Variants in ARHGAP28 observed in about 807,000 individuals in gnomAD.
The protein encoded by ARHGAP28 is Rho GTPase activating protein 28.
Under a neutral mutation model 90.7 loss-of-function variants are expected in ARHGAP28, and 56 were observed. That is an observed-to-expected ratio of 0.62 (90% CI 0.50 to 0.77). The LOEUF is 0.77. Among genes scored for constraint, ARHGAP28 ranks in the 30% least tolerant of loss-of-function variants. ARHGAP28 has a pLI of 0.00. For synonymous variants in ARHGAP28, 308 were observed against 323.3 expected (o/e 0.95, Z 0.51); for missense variants, 869 against 900.9 (o/e 0.96, Z 0.45).
intron 16 of ARHGAP28, chr18:6,897,951 G>C (rs923422442): frequency 5.9e-5 from 9 of 152,210 alleles, no homozygotes; most frequent in Admixed American, 3.9e-4. Flanking sequence ...AAGATAGGTA[G>C]GTTGTATCAA....
In ARHGAP28 at chr18:6,729,819, A is replaced by G; in HGVS notation, c.-3A>G. On this transcript the variant is annotated 5_prime_UTR_variant, in exon 1 of 18. The change abolishes the stop of an existing upstream ORF in the 5' untranslated region. Transcript: ENST00000383472. Reference sequence around the variant, plus strand: ...GCCGGCGCCGAGACATGCGCGGCTGACGATGGAGGTGGAGGACTCGGGCGG... The same window carrying G: ...GCCGGCGCCGAGACATGCGCGGCTGGCGATGGAGGTGGAGGACTCGGGCGG... 3 of 1,409,222 alleles carry G rather than the reference A, an allele frequency of 2.1e-6. No individual in the cohort carries two copies. The highest frequency in any genetic ancestry group is 1.8e-6 in the Non-Finnish European group (2 of 1,084,598). 87.3% of individuals were successfully genotyped at this position (1,409,222 alleles called of 1,614,324 possible).
chr18:6,883,483 C>T (rs1433162653), intron 11 of ARHGAP28, among the ~76,000 whole-genome samples: 1 of 152,118 alleles, frequency 6.6e-6, no homozygotes, highest in African/African-American at 2.4e-5. Context: ...AAGTGATCTC[C>T]CTGCCTCACC....
chr18:6,883,160 G>A (rs1287171166), intron 11 of ARHGAP28, among the ~76,000 whole-genome samples: 9 of 151,986 alleles, frequency 5.9e-5, no homozygotes, highest in South Asian at 2.1e-4. Flanking sequence ...TTGGTTCTCC[G>A]TAATGGTTGC....
chr18:6,799,655 G>A lies in ARHGAP28; in HGVS notation c.123-25107G>A, dbSNP rs762647455. Among the ~76,000 whole-genome samples the A allele has an allele frequency of 3.3e-5, 5 of 152,172 alleles. No homozygotes were observed. In the East Asian group the frequency reaches 7.7e-4, roughly 23 times the overall value. ...GAAAGGATTCCCTGTTTAATAAATG[G>A]TGTTGGGAAAACTAGCCAGCCATAT... On this transcript the variant is annotated intron_variant, in intron 1 of 17. Coordinates refer to ENST00000383472, the MANE Select transcript of ARHGAP28 (RefSeq NM_001366230.1).
intron 4 of ARHGAP28, among the ~76,000 whole-genome samples, chr18:6,852,526 A>G (rs541796851): frequency 6.6e-6 from 1 of 152,368 alleles, no homozygotes; most frequent in East Asian, 1.9e-4. Flanking sequence ...AAGAAAATCT[A>G]AGGAACTTAA....
At chr18:6,909,058 T>G in intron 17 of ARHGAP28, 34 bp downstream of exon 17, 1 of 1,150,208 alleles carries the variant, frequency 8.7e-7, no homozygotes, top group Non-Finnish European at 1.3e-6. Context: ...ACTGCTAAAT[T>G]CTCTGATTAC....
chr18:6,768,513 T>G lies in ARHGAP28; in HGVS notation c.122+38570T>G, dbSNP rs62082791. On this transcript the variant is annotated intron_variant, in intron 1 of 17. Coordinates refer to ENST00000383472, the MANE Select transcript of ARHGAP28 (RefSeq NM_001366230.1). ...TCTCAACAAAGACTTTCTATTCTGA[T>G]TGGTCCAAAGTCAAATGCCTCCCAG... is the stretch of plus-strand genomic sequence containing the variant. Among the ~76,000 whole-genome samples, 1,285 of 152,220 alleles carry G rather than the reference T, an allele frequency of 8.4e-3. 4 individuals are homozygous for G. The highest frequency in any genetic ancestry group is 0.013 in the Non-Finnish European group (878 of 68,008).
At chr18:6,893,799 A>G (rs1427285334) in intron 14 of ARHGAP28, among the ~76,000 whole-genome samples, 1 of 152,210 alleles carries the variant, frequency 6.6e-6, no homozygotes, top group East Asian at 1.9e-4. Flanking sequence ...TATAAATACC[A>G]TAAAAGCAAA....
At chr18:6,834,550 T>A (rs1233636394) in intron 2 of ARHGAP28, 1 of 152,208 alleles carries the variant, frequency 6.6e-6, no homozygotes, top group Non-Finnish European at 1.5e-5. Flanking sequence ...GTAAGCCGTT[T>A]CACACTGTAG....
At chr18:6,771,161 T>G (rs939708671) in intron 1 of ARHGAP28, among the ~76,000 whole-genome samples, 1 of 152,072 alleles carries the variant, frequency 6.6e-6, no homozygotes, top group African/African-American at 2.4e-5. Flanking sequence ...CCCAGCCTCC[T>G]GGATAGCTGG....
chr18:6,859,765 G>A (rs773621290), intron 4 of ARHGAP28, 43 bp from the exon 5 acceptor site: 2 of 1,571,110 alleles, frequency 1.3e-6, no homozygotes, highest in Non-Finnish European at 1.8e-6. Context: ...ACATTAGAAA[G>A]TATTTGCCTG....
At chr18:6,885,523 A>G (rs16950747) in intron 11 of ARHGAP28, among the ~76,000 whole-genome samples, 41,324 of 152,032 alleles carry the variant, frequency 0.27, 5,948 homozygotes, top group East Asian at 0.38. Context: ...ATCATCATCA[A>G]TCAAGCCTCA....
intron 3 of ARHGAP28, among the ~76,000 whole-genome samples, chr18:6,848,764 C>T (rs747691524): frequency 1.3e-5 from 2 of 152,140 alleles, no homozygotes; most frequent in Admixed American, 6.5e-5. Flanking sequence ...GTCTTGAGCT[C>T]CATGTGAAAG....
intron 2 of ARHGAP28, among the ~76,000 whole-genome samples, chr18:6,827,569 G>C (rs2056679062): frequency 6.9e-6 from 1 of 145,854 alleles, no homozygotes; most frequent in South Asian, 2.2e-4. Flanking sequence ...CTCCCGGACG[G>C]GGCGACTGGC....
intron 1 of ARHGAP28, among the ~76,000 whole-genome samples, chr18:6,792,155 G>A (rs752896280): frequency 5.3e-5 from 8 of 152,156 alleles, no homozygotes; most frequent in South Asian, 4.1e-4. Context: ...GGAGATGGAC[G>A]TAGAGGAAGG....
chr18:6,797,111 C>T (rs1393734506), intron 1 of ARHGAP28, among the ~76,000 whole-genome samples: 1 of 152,160 alleles, frequency 6.6e-6, no homozygotes, highest in Non-Finnish European at 1.5e-5. Flanking sequence ...TTCTTGTCAT[C>T]CAGGTGTTAT....
At chr18:6,826,928 G>A (rs1049547800) in intron 2 of ARHGAP28, among the ~76,000 whole-genome samples, 1 of 152,038 alleles carries the variant, frequency 6.6e-6, no homozygotes, top group Non-Finnish European at 1.5e-5. Context: ...GTTTAACAAA[G>A]CACATCTTGC....
At chr18:6,839,679 A>G (rs1277977446) in intron 3 of ARHGAP28, among the ~76,000 whole-genome samples, 1 of 152,230 alleles carries the variant, frequency 6.6e-6, no homozygotes, top group African/African-American at 2.4e-5. Flanking sequence ...GTTTGAAGAA[A>G]GGAAAGAGGA....
chr18:6,807,944 G>A (rs186412945), intron 1 of ARHGAP28, among the ~76,000 whole-genome samples: 148 of 152,298 alleles, frequency 9.7e-4, no homozygotes, highest in Admixed American at 2.0e-3. Flanking sequence ...GGCTATTGTA[G>A]GGCTCAACTT....
Sources: gnomAD v4.1 joint callset for allele counts (sites outside exome capture counted in the v4.1 genomes callset) on GRCh38, gnomAD v4.1.1 for gene constraint, MANE v1.5 for transcripts, NCBI Gene and HGNC (gene_info 2026-07-23, HGNC 2026-07-21) for gene names.